Variants in NXPE2 observed in about 807,000 individuals in gnomAD.
The protein encoded by NXPE2 is NXPE family member 2.
In NXPE2, 34 loss-of-function variants were observed where a neutral mutation model predicts 34.4. The observed-to-expected ratio is 0.99, with a 90% confidence interval of 0.75 to 1.31. The LOEUF is 1.31. Among genes scored for constraint, NXPE2 ranks in the 40% most tolerant of loss-of-function variants. The probability of loss-of-function intolerance (pLI) is 0.00; values close to 1 mark genes in which losing one functional copy is unlikely to be tolerated. For synonymous variants in NXPE2, 235 were observed against 231.3 expected (o/e 1.02, Z -0.15); for missense variants, 649 against 672.5 (o/e 0.97, Z 0.39).
chr11:114,707,582 A>G (rs1394061158), downstream of NXPE2: 1 of 201,374 alleles, frequency 5.0e-6, no homozygotes, highest in East Asian at 1.8e-4. Flanking sequence ...TAAGCGTACA[A>G]TTCAGTGATA....
At chr11:114,492,607 C>T in the NXPE2 span, among the ~76,000 whole-genome samples, 1,500 of 151,562 alleles carry the variant, frequency 9.9e-3, 30 homozygotes, top group African/African-American at 0.034. Flanking sequence ...GGCACGATCT[C>T]GGCTCACTGC....
chr11:114,807,508 A>C, the NXPE2 span, among the ~76,000 whole-genome samples: 6 of 151,864 alleles, frequency 4.0e-5, no homozygotes, highest in African/African-American at 1.2e-4. Flanking sequence ...TCTACCAAGC[A>C]AATGGAAAAC....
the NXPE2 span, among the ~76,000 whole-genome samples, chr11:114,756,728 G>A: frequency 6.6e-6 from 1 of 152,040 alleles, no homozygotes; most frequent in South Asian, 2.1e-4. Flanking sequence ...AGTAATAATA[G>A]GTAGATTACT....
the NXPE2 span, among the ~76,000 whole-genome samples, chr11:114,470,827 A>G: frequency 2.0e-5 from 3 of 152,164 alleles, no homozygotes; most frequent in Non-Finnish European, 2.9e-5. Flanking sequence ...GAGGAGGTCT[A>G]TCTACGTTAT....
At chr11:114,611,099 G>A in the NXPE2 span, among the ~76,000 whole-genome samples, 2 of 151,260 alleles carry the variant, frequency 1.3e-5, no homozygotes, top group East Asian at 3.9e-4. Context: ...GTGTTGCCTC[G>A]TGGGAAACCA....
At chr11:114,523,520 A>G in the NXPE2 span, among the ~76,000 whole-genome samples, 454 of 152,314 alleles carry the variant, frequency 3.0e-3, 3 homozygotes, top group African/African-American at 0.011. Context: ...TCCGTGTTCA[A>G]AAAATGGCTT....
the NXPE2 span, chr11:114,527,972 G>A: frequency 2.6e-6 from 3 of 1,141,336 alleles, no homozygotes; most frequent in Non-Finnish European, 3.8e-6. Context: ...TCATCTGCTT[G>A]TGAGTGAAGG....
chr11:114,780,837 G>A, the NXPE2 span, among the ~76,000 whole-genome samples: 1 of 152,198 alleles, frequency 6.6e-6, no homozygotes, highest in African/African-American at 2.4e-5. Context: ...AGGTGCTGAG[G>A]AGTGGCAGTA....
chr11:114,761,760 G>C, the NXPE2 span, among the ~76,000 whole-genome samples: 1 of 151,210 alleles, frequency 6.6e-6, no homozygotes, highest in African/African-American at 2.4e-5. Context: ...ATTTTTAGTA[G>C]AGACGGGGTT....
the NXPE2 span, chr11:114,580,015 T>G: frequency 1.2e-6 from 1 of 838,428 alleles, no homozygotes; most frequent in Non-Finnish European, 1.9e-6. Context: ...AAAATTTTGG[T>G]GTGTTGTGAT....
At chr11:114,753,050 G>A in the NXPE2 span, among the ~76,000 whole-genome samples, 1 of 152,312 alleles carries the variant, frequency 6.6e-6, no homozygotes, top group African/African-American at 2.4e-5. Flanking sequence ...GAAAACAAGA[G>A]TATGTTGCAT....
the NXPE2 span, among the ~76,000 whole-genome samples, chr11:114,620,046 G>T: frequency 9.9e-5 from 15 of 150,842 alleles, no homozygotes; most frequent in Non-Finnish European, 1.6e-4. Flanking sequence ...CTACTGCCTC[G>T]TGGGTAACCA....
At chr11:114,577,696 A>C in the NXPE2 span, among the ~76,000 whole-genome samples, 1 of 152,092 alleles carries the variant, frequency 6.6e-6, no homozygotes, top group Non-Finnish European at 1.5e-5. Context: ...AGTTTTGTAG[A>C]TATTATTTTT....
the NXPE2 span, among the ~76,000 whole-genome samples, chr11:114,800,881 ATTGTTGCTGCTG>A: frequency 6.6e-6 from 1 of 152,240 alleles, no homozygotes; most frequent in Admixed American, 6.5e-5. Flanking sequence ...AACAAGTATC[ATTGTTGCTGCTG>A]TTGTTGCTAC....
chr11:114,505,516 A>G, the NXPE2 span, among the ~76,000 whole-genome samples: 1 of 152,226 alleles, frequency 6.6e-6, no homozygotes, highest in Non-Finnish European at 1.5e-5. Context: ...CATCAGATGA[A>G]CAGCAGACCT....
the NXPE2 span, among the ~76,000 whole-genome samples, chr11:114,532,087 G>T: frequency 6.6e-6 from 1 of 152,098 alleles, no homozygotes; most frequent in African/African-American, 2.4e-5. Flanking sequence ...TCACACTTTA[G>T]AACACATATA....
At chr11:114,785,402 A>G in the NXPE2 span, among the ~76,000 whole-genome samples, 1 of 152,172 alleles carries the variant, frequency 6.6e-6, no homozygotes, top group African/African-American at 2.4e-5. Context: ...CTCAAACTCA[A>G]TTGTTATCAT....
the NXPE2 span, among the ~76,000 whole-genome samples, chr11:114,610,973 G>A: frequency 6.6e-6 from 1 of 150,668 alleles, no homozygotes; most frequent in Non-Finnish European, 1.5e-5. Context: ...GTGTTGCCTC[G>A]TGGGTAACCA....
chr11:114,467,813 G>A, the NXPE2 span, among the ~76,000 whole-genome samples: 3 of 152,030 alleles, frequency 2.0e-5, no homozygotes, highest in African/African-American at 4.8e-5. Flanking sequence ...GTGTGCAACC[G>A]TAGTCCCAAC....
Sources: gnomAD v4.1 joint callset for allele counts (sites outside exome capture counted in the v4.1 genomes callset) on GRCh38, gnomAD v4.1.1 for gene constraint, MANE v1.5 for transcripts, NCBI Gene and HGNC (gene_info 2026-07-23, HGNC 2026-07-21) for gene names.